Variants in SCRG1 observed in about 807,000 individuals in gnomAD.
SCRG1 encodes the protein scrapie-responsive protein 1.
In SCRG1, 3 loss-of-function variants were observed where a neutral mutation model predicts 7.7. The observed-to-expected ratio is 0.39, with a 90% confidence interval of 0.18 to 1.01. SCRG1 has a LOEUF of 1.01. Ranked by LOEUF, SCRG1 falls within the 50% of genes least tolerant of loss-of-function variation. The pLI, the probability that SCRG1 is intolerant of heterozygous loss-of-function variation, is 0.36. For missense variants in SCRG1, 110 were observed against 117.2 expected, an observed-to-expected ratio of 0.94 and a Z score of 0.28; for synonymous variants, 46 against 41.2, an observed-to-expected ratio of 1.12 and a Z score of -0.44.
the SCRG1 span, among the ~76,000 whole-genome samples, chr4:173,415,713 G>A: frequency 8.5e-5 from 13 of 152,230 alleles, no homozygotes; most frequent in Admixed American, 2.6e-4. Flanking sequence ...ACCAAATAGC[G>A]TGCCCAAGTT....
chr4:173,438,829 T>C, the SCRG1 span, among the ~76,000 whole-genome samples: 2 of 152,120 alleles, frequency 1.3e-5, no homozygotes, highest in Non-Finnish European at 2.9e-5. Context: ...TATTTAAGAC[T>C]TCATAAAAAA....
chr4:173,399,033 CATAAG>C (rs1347449269), intron 1 of SCRG1, 30 bp downstream of exon 1: 1 of 152,222 alleles, frequency 6.6e-6, no homozygotes, highest in Non-Finnish European at 1.5e-5. Context: ...GAACAACTGA[CATAAG>C]ATGTTTTTTA....
At chr4:173,493,352 C>T in the SCRG1 span, among the ~76,000 whole-genome samples, 1 of 152,090 alleles carries the variant, frequency 6.6e-6, no homozygotes, top group Admixed American at 6.5e-5. Flanking sequence ...TCCCCTTCTG[C>T]CTTGATTGTA....
At chr4:173,397,061 GAAATAAAATAAAACA>G (rs1739627022) in intron 1 of SCRG1, among the ~76,000 whole-genome samples, 1 of 151,972 alleles carries the variant, frequency 6.6e-6, no homozygotes, top group African/African-American at 2.4e-5. Flanking sequence ...TCAAAAAAAT[GAAATAAAATAAAACA>G]AAATAAAATA....
chr4:173,442,264 C>G, the SCRG1 span, among the ~76,000 whole-genome samples: 1 of 152,132 alleles, frequency 6.6e-6, no homozygotes, highest in Non-Finnish European at 1.5e-5. Flanking sequence ...AGATCCTCAT[C>G]TATATTTTAG....
At chr4:173,439,769 G>A in the SCRG1 span, among the ~76,000 whole-genome samples, 2 of 152,288 alleles carry the variant, frequency 1.3e-5, no homozygotes, top group East Asian at 3.9e-4. Context: ...TCTGGCAAAA[G>A]CACGGGCATG....
the SCRG1 span, among the ~76,000 whole-genome samples, chr4:173,512,312 C>G: frequency 3.1e-3 from 479 of 152,112 alleles, no homozygotes; most frequent in African/African-American, 0.011. Context: ...CTAAGAGGGA[C>G]AGGGGAAAAA....
the SCRG1 span, among the ~76,000 whole-genome samples, chr4:173,514,416 G>A: frequency 3.3e-5 from 5 of 152,184 alleles, no homozygotes; most frequent in Non-Finnish European, 4.4e-5. Context: ...CCCTAGAAAT[G>A]GTTGCCTCTC....
chr4:173,437,273 C>T, the SCRG1 span, among the ~76,000 whole-genome samples: 5 of 152,176 alleles, frequency 3.3e-5, no homozygotes, highest in African/African-American at 9.7e-5. Flanking sequence ...CATACACACA[C>T]ACACACGCAC....
intron 2 of SCRG1, among the ~76,000 whole-genome samples, chr4:173,390,148 A>T (rs747276370): frequency 2.6e-5 from 4 of 152,036 alleles, no homozygotes; most frequent in Non-Finnish European, 5.9e-5. Flanking sequence ...GGTTCAAGTG[A>T]TTCTCCTGTC....
the SCRG1 span, among the ~76,000 whole-genome samples, chr4:173,464,817 A>G: frequency 6.6e-6 from 1 of 152,204 alleles, no homozygotes; most frequent in African/African-American, 2.4e-5. Flanking sequence ...ATCATTCACC[A>G]TAGCCAAAAG....
At chr4:173,469,188 G>T in the SCRG1 span, 3 of 152,108 alleles carry the variant, frequency 2.0e-5, no homozygotes, top group African/African-American at 7.2e-5. Context: ...AAATAAATTA[G>T]TTCCTTTAAG....
upstream of SCRG1, among the ~76,000 whole-genome samples, chr4:173,401,773 A>T (rs1450040904): frequency 6.6e-6 from 1 of 152,206 alleles, no homozygotes; most frequent in African/African-American, 2.4e-5. Context: ...CCTGGCCTCC[A>T]AATCCCTTGT....
chr4:173,390,460 T>C (rs1180799008), intron 2 of SCRG1, among the ~76,000 whole-genome samples: 1 of 151,292 alleles, frequency 6.6e-6, no homozygotes, highest in Non-Finnish European at 1.5e-5. Context: ...GAGTTTTTTG[T>C]TGTTGTTGTT....
chr4:173,516,119 C>G, the SCRG1 span, among the ~76,000 whole-genome samples: 1 of 152,176 alleles, frequency 6.6e-6, no homozygotes, highest in African/African-American at 2.4e-5. Context: ...CCGATAGCCA[C>G]GTAGGCTTCC....
the SCRG1 span, among the ~76,000 whole-genome samples, chr4:173,443,513 G>A: frequency 3.3e-5 from 5 of 152,144 alleles, no homozygotes; most frequent in Admixed American, 2.0e-4. Flanking sequence ...CCAGCATTCT[G>A]TATAGGTGTC....
upstream of SCRG1, among the ~76,000 whole-genome samples, chr4:173,406,583 T>C (rs949074433): frequency 1.3e-5 from 2 of 152,188 alleles, no homozygotes; most frequent in African/African-American, 4.8e-5. Flanking sequence ...TGATACAGAA[T>C]AGTCTCTCTG....
At chr4:173,490,302 C>T in the SCRG1 span, among the ~76,000 whole-genome samples, 1 of 152,178 alleles carries the variant, frequency 6.6e-6, no homozygotes, top group African/African-American at 2.4e-5. Flanking sequence ...TTAAAAGCAA[C>T]CCTGGAAGGG....
chr4:173,449,572 C>T, the SCRG1 span, among the ~76,000 whole-genome samples: 10 of 150,422 alleles, frequency 6.6e-5, no homozygotes, highest in Admixed American at 6.1e-4. Context: ...ATTCCAAAAA[C>T]GTGGCTTGAA....
Sources: gnomAD v4.1 joint callset for allele counts (sites outside exome capture counted in the v4.1 genomes callset) on GRCh38, gnomAD v4.1.1 for gene constraint, MANE v1.5 for transcripts, NCBI Gene and HGNC (gene_info 2026-07-23, HGNC 2026-07-21) for gene names.